PTMS: variants seen among roughly 807,000 people sequenced by gnomAD.
PTMS encodes the protein parathymosin.
In PTMS, 5 loss-of-function variants were observed where a neutral mutation model predicts 18.4. The ratio of observed to expected loss-of-function variants is 0.27; its 90% CI spans 0.14 to 0.57. PTMS has a LOEUF of 0.57. Ranked by LOEUF, PTMS falls within the 20% of genes least tolerant of loss-of-function variation. The pLI is 0.92. For synonymous variants in PTMS, 53 were observed against 47.7 expected, an observed-to-expected ratio of 1.11 and a Z score of -0.46; for missense variants, 93 against 124.6, an observed-to-expected ratio of 0.75 and a Z score of 1.21.
At chr12:6,769,877 G>A (rs772579493) in intron 2 of PTMS, 44 bp from the exon 3 acceptor site, 4 of 1,587,062 alleles carry the variant, frequency 2.5e-6, no homozygotes, top group Non-Finnish European at 3.4e-6. Context: ...GGTGGGCAAG[G>A]CATGCAGCCA....
At position 6,769,199 on chromosome 12, in the gene PTMS, G is replaced by T. The variant is rs927164755; in HGVS notation, c.46-404G>T. On this transcript the variant is annotated intron_variant, in intron 1 of 4. Coordinates refer to ENST00000309083, the MANE Select transcript of PTMS (RefSeq NM_002824.6). The stretch of plus-strand genomic sequence containing the variant: ...AGAGGTAGACAAAAGGCAGAGCTGG[G>T]CGGGCAGTGGCGGGGCAGGCAAGGG... The T allele has an allele frequency of 3.6e-5, 9 of 251,554 alleles. No individual in the cohort carries two copies. In the East Asian group the frequency reaches 1.2e-3, roughly 34 times the overall value. The allele number at this position is 251,554 out of a possible 1,614,324, so 15.6% of individuals were successfully genotyped here.
In PTMS at chr12:6,766,666, ACCCCGGCTCCCCGCCAGCCCCGGCCCCGG is replaced by A; in HGVS notation, c.-32_-4del. 3 of 1,095,718 alleles carry A rather than the reference ACCCCGGCTCCCCGCCAGCCCCGGCCCCGG, an allele frequency of 2.7e-6. No individual in the cohort carries two copies. Among genetic ancestry groups the A allele is most frequent in the Non-Finnish European group, 2.2e-6 (2 of 895,774 alleles). 67.9% of individuals were successfully genotyped at this position (1,095,718 alleles called of 1,614,324 possible). On this transcript the variant is annotated 5_prime_UTR_variant, in exon 1 of 5. Coordinates refer to ENST00000309083, the MANE Select transcript of PTMS (RefSeq NM_002824.6). ...AGGGCCCCTCCGTCTCGGCCCCGGG[ACCCCGGCTCCCCGCCAGCCCCGGCCCCGG>A]CCCCGGCACCATGTCGGAGAAAAGC...
Position 6,766,476 on chromosome 12 carries a change from C to T in PTMS, c.-230C>T. 4.0e-6 allele frequency: 1 copy of T among 247,714 alleles called. No individual in the cohort carries two copies. The highest frequency in any genetic ancestry group is 8.1e-6 in the Non-Finnish European group (1 of 124,134). The allele number at this position is 247,714 out of a possible 1,614,324, so 15.3% of individuals were successfully genotyped here. A position where few individuals can be genotyped will look rare whatever the true frequency, so the allele number is the denominator to read the frequency against. On this transcript the variant is annotated 5_prime_UTR_variant, in exon 1 of 5. In the 5' UTR this introduces an upstream ATG that the reference lacks. Transcript: ENST00000309083. ...ACCGCCCTTCCGCCCGCCCTCCGGA[C>T]GGCCGCAGCCCTGCGGGTCTCCGCT... is the stretch of plus-strand genomic sequence containing the variant.
At chr12:6,768,447 G>C (rs371537734) in intron 1 of PTMS, among the ~76,000 whole-genome samples, 1 of 152,186 alleles carries the variant, frequency 6.6e-6, no homozygotes, top group Non-Finnish European at 1.5e-5. Flanking sequence ...AGGGAATTGA[G>C]TGCCCCCCAG....
At chr12:6,767,148 C>T (rs1941776881) in intron 1 of PTMS, 1 of 152,320 alleles carries the variant, frequency 6.6e-6, no homozygotes, top group African/African-American at 2.4e-5. Flanking sequence ...CACCTTTCCT[C>T]GCTAAGCGGT....
intron 1 of PTMS, among the ~76,000 whole-genome samples, chr12:6,767,655 C>T (rs541128934): frequency 7.2e-5 from 9 of 125,286 alleles, no homozygotes; most frequent in Admixed American, 5.2e-4. Flanking sequence ...CCCGGAGGCC[C>T]GCGGAGTGAA....
chr12:6,770,120 C>T lies in PTMS; in HGVS notation c.197-37C>T, dbSNP rs369795594. On this transcript the variant is annotated intron_variant, in intron 3 of 4. Transcript: ENST00000309083. This position sits in a 1 kb window ranked among gnomAD's most constrained non-coding sequence, Gnocchi z 7.3. ...GACCACGGGGGCTCTGCCAGAGCTT[C>T]CTGCCCTTCCCCAATGACCCATTTC... The T allele has an allele frequency of 5.2e-5, 84 of 1,613,412 alleles. No homozygotes were observed. Among genetic ancestry groups the T allele is most frequent in the Non-Finnish European group, 6.8e-5 (80 of 1,179,812 alleles).
intron 1 of PTMS, among the ~76,000 whole-genome samples, chr12:6,768,281 C>T (rs150568038): frequency 5.3e-5 from 8 of 152,304 alleles, no homozygotes; most frequent in African/African-American, 1.9e-4. Flanking sequence ...CTGACCAGCT[C>T]TTTGCTCTCC....
chr12:6,770,095 G>A lies in PTMS; in HGVS notation c.197-62G>A, dbSNP rs372987223. Reference sequence around the variant, plus strand: ...GAAGACCTGAAGCAGGGCTGAGGGCGACCACGGGGGCTCTGCCAGAGCTTC... The same window carrying A: ...GAAGACCTGAAGCAGGGCTGAGGGCAACCACGGGGGCTCTGCCAGAGCTTC... On this transcript the variant is annotated intron_variant, in intron 3 of 4. Transcript: ENST00000309083. The surrounding 1 kb of genome is among the most constrained non-coding windows in gnomAD (Gnocchi z 7.3). 4.3e-4 allele frequency: 697 copies of A among 1,611,144 alleles called. No individual in the cohort carries two copies. Among genetic ancestry groups the A allele is most frequent in the Non-Finnish European group, 5.5e-4 (643 of 1,178,852 alleles).
intron 1 of PTMS, among the ~76,000 whole-genome samples, chr12:6,768,707 G>A (rs1430311540): frequency 6.6e-6 from 1 of 152,198 alleles, no homozygotes; most frequent in Non-Finnish European, 1.5e-5. Context: ...GGACTCAGAT[G>A]TGCCATATCA....
In PTMS at chr12:6,766,699, CG is replaced by C; in HGVS notation, c.-5del. ...TCCCCGCCAGCCCCGGCCCCGGCCC[CG>C]GCACCATGTCGGAGAAAAGCGTGGA... On this transcript the variant is annotated 5_prime_UTR_variant, in exon 1 of 5. Transcript: ENST00000309083. The C allele has an allele frequency of 8.9e-7, 1 of 1,125,680 alleles. No individual in the cohort carries two copies. Among genetic ancestry groups the C allele is most frequent in the Non-Finnish European group, 1.1e-6 (1 of 915,542 alleles). The allele number at this position is 1,125,680 out of a possible 1,614,324, so 69.7% of individuals were successfully genotyped here.
Position 6,766,727 on chromosome 12 carries a change from G to A in PTMS, c.22G>A (p.Ala8Thr). Residue 8 changes from alanine (A) to threonine (T), a missense_variant, in exon 1 of 5, where the codon GCA (alanine) becomes ACA (threonine). By Grantham distance (58) the Ala-to-Thr change is moderately conservative. Coordinates refer to ENST00000309083, the MANE Select transcript of PTMS (RefSeq NM_002824.6). MSEKSVE[A>T]AAELSAKDLK... ...CACCATGTCGGAGAAAAGCGTGGAG[G>A]CAGCGGCCGAGTTGAGCGCCAAGGT... 2 of 1,110,050 alleles carry A rather than the reference G, an allele frequency of 1.8e-6. No individual in the cohort carries two copies. Among genetic ancestry groups the A allele is most frequent in the Non-Finnish European group, 1.1e-6 (1 of 910,870 alleles). The allele number at this position is 1,110,050 out of a possible 1,614,324, so 68.8% of individuals were successfully genotyped here. A position where few individuals can be genotyped will look rare whatever the true frequency, so the allele number is the denominator to read the frequency against.
intron 1 of PTMS, 128 bp from the exon 2 acceptor site, chr12:6,769,475 C>G (rs1941810140): frequency 1.9e-6 from 2 of 1,040,628 alleles, no homozygotes; most frequent in African/African-American, 3.2e-5. Context: ...TATTCTGTCT[C>G]TAAGCTGTGG....
Position 6,770,490 on chromosome 12 carries a change from T to TGGGGGGG in PTMS, c.*53_*54insGGGGGGG. ...TGGGAGGCCTCTCTGGGCCTGGAGG[T>TGGGGGGG]GGGGGTGGGGGCAGCCAAGTCCAGC... On this transcript the variant is annotated 3_prime_UTR_variant, in exon 5 of 5. Coordinates refer to ENST00000309083, the MANE Select transcript of PTMS (RefSeq NM_002824.6). This position sits in a 1 kb window ranked among gnomAD's most constrained non-coding sequence, Gnocchi z 7.3. 6 of 1,233,470 alleles carry TGGGGGGG rather than the reference T, an allele frequency of 4.9e-6. No individual in the cohort carries two copies. In the Admixed American group the frequency reaches 1.6e-4, roughly 33 times the overall value. The allele number at this position is 1,233,470 out of a possible 1,614,324, so 76.4% of individuals were successfully genotyped here.
Position 6,766,492 on chromosome 12 carries a change from G to C in PTMS, c.-214G>C, listed in dbSNP as rs1941766072. On this transcript the variant is annotated 5_prime_UTR_variant, in exon 1 of 5. Transcript: ENST00000309083. Reference sequence around the variant, plus strand: ...CCCTCCGGACGGCCGCAGCCCTGCGGGTCTCCGCTCCAGACCCACCCCCGC... The same window carrying C: ...CCCTCCGGACGGCCGCAGCCCTGCGCGTCTCCGCTCCAGACCCACCCCCGC... The C allele has an allele frequency of 3.6e-6, 1 of 274,798 alleles. No homozygotes were observed. Among genetic ancestry groups the C allele is most frequent in the African/African-American group, 2.3e-5 (1 of 43,012 alleles). 17.0% of individuals were successfully genotyped at this position (274,798 alleles called of 1,614,324 possible). A position where few individuals can be genotyped will look rare whatever the true frequency, so the allele number is the denominator to read the frequency against.
At chr12:6,767,698 G>A (rs1941791515) in intron 1 of PTMS, among the ~76,000 whole-genome samples, 1 of 152,230 alleles carries the variant, frequency 6.6e-6, no homozygotes, top group East Asian at 1.9e-4. Context: ...ACGGCGGTGG[G>A]AGAGGGGCTG....
chr12:6,769,588 C>T lies in PTMS; in HGVS notation c.46-15C>T, dbSNP rs374959763. 3 of 1,613,982 alleles carry T rather than the reference C, an allele frequency of 1.9e-6. No homozygotes were observed. The highest frequency in any genetic ancestry group is 2.5e-6 in the Non-Finnish European group (3 of 1,179,934). On this transcript the variant is annotated splice_polypyrimidine_tract_variant and intron_variant, in intron 1 of 4. Transcript: ENST00000309083. The stretch of plus-strand genomic sequence containing the variant: ...CCATTTGTGGTGAGAAAGGTGACCT[C>T]TTTCTCCTTTGCAGGACCTGAAGGA...
chr12:6,768,555 C>T (rs17887160), intron 1 of PTMS, among the ~76,000 whole-genome samples: 29,614 of 152,202 alleles, frequency 0.19, 3,492 homozygotes, highest in East Asian at 0.26. Flanking sequence ...CTTCCATTCA[C>T]ATGGAATCAG....
At chr12:6,767,178 A>G (rs1941777319) in intron 1 of PTMS, 1 of 151,648 alleles carries the variant, frequency 6.6e-6, no homozygotes, top group South Asian at 2.1e-4. Flanking sequence ...TCAAGTGTAA[A>G]CAGGACTCTC....
Sources: gnomAD v4.1 joint callset for allele counts (sites outside exome capture counted in the v4.1 genomes callset) on GRCh38, gnomAD v4.1.1 for gene constraint, Gnocchi (gnomAD v3.1) non-coding constraint, MANE v1.5 for transcripts, NCBI Gene and HGNC (gene_info 2026-07-23, HGNC 2026-07-21) for gene names.